Variants in NALF1 observed in about 807,000 individuals in gnomAD.
The protein encoded by NALF1 is family with sequence similarity 155 member A.
Under a neutral mutation model 48.4 loss-of-function variants are expected in NALF1, and 3 were observed. That is an observed-to-expected ratio of 0.06 (90% CI 0.03 to 0.16). The LOEUF (loss-of-function observed/expected upper bound fraction) is 0.16. NALF1 is among the 10% of genes least tolerant of loss of function. The pLI is 1.00. For synonymous variants in NALF1, 262 were observed against 245.7 expected, an observed-to-expected ratio of 1.07 and a Z score of -0.62; for missense variants, 526 against 571.5, an observed-to-expected ratio of 0.92 and a Z score of 0.81.
intron 2 of NALF1, among the ~76,000 whole-genome samples, chr13:107,184,288 T>C (rs61967584): frequency 0.044 from 6,637 of 152,304 alleles, 170 homozygotes; most frequent in Non-Finnish European, 0.058. Context: ...AATTCAAGAA[T>C]GTTAGAAGTT....
intron 1 of NALF1, among the ~76,000 whole-genome samples, chr13:107,452,411 A>T (rs1884757227): frequency 6.6e-6 from 1 of 152,204 alleles, no homozygotes. Flanking sequence ...CATCTTCTTC[A>T]CAAGGTGGCA....
chr13:107,516,955 T>C (rs1876073433), intron 1 of NALF1, among the ~76,000 whole-genome samples: 1 of 152,152 alleles, frequency 6.6e-6, no homozygotes, highest in Non-Finnish European at 1.5e-5. Context: ...GGTTTATCCA[T>C]TTACTAGGCT....
intron 1 of NALF1, among the ~76,000 whole-genome samples, chr13:107,304,128 A>G (rs377182778): frequency 6.6e-6 from 1 of 152,176 alleles, no homozygotes; most frequent in South Asian, 2.1e-4. Flanking sequence ...AATATACTTA[A>G]TATTGTAGAT....
At chr13:107,834,316 A>T (rs1278561775) in intron 1 of NALF1, among the ~76,000 whole-genome samples, 2 of 152,184 alleles carry the variant, frequency 1.3e-5, no homozygotes, top group East Asian at 3.8e-4. Context: ...CAATTAGACC[A>T]CTTAGGACAA....
chr13:107,441,706 T>C (rs1884562669), intron 1 of NALF1, among the ~76,000 whole-genome samples: 1 of 152,152 alleles, frequency 6.6e-6, no homozygotes, highest in African/African-American at 2.4e-5. Flanking sequence ...GACTAGAGAA[T>C]TGTAGAGGGC....
At chr13:107,680,832 G>GAGTA (rs1881279798) in intron 1 of NALF1, among the ~76,000 whole-genome samples, 6 of 150,890 alleles carry the variant, frequency 4.0e-5, no homozygotes, top group Non-Finnish European at 8.8e-5. Context: ...GAGTGTGAAT[G>GAGTA]TGCATGAGAG....
At position 107,812,153 on chromosome 13, in the gene NALF1, T is replaced by C. The variant is rs145890342; in HGVS notation, c.915+53529A>G. On this transcript the variant is annotated intron_variant, in intron 1 of 2. Coordinates refer to ENST00000375915, the MANE Select transcript of NALF1 (RefSeq NM_001080396.3). ...TGAAGTTCCATGAAAAACTAAAGCT[T>C]CATTCATTTCACCTAGATGTATGTT... Among the ~76,000 whole-genome samples the C allele has an allele frequency of 3.8e-4, 58 of 152,242 alleles. 1 individual carries two copies. In the East Asian group the frequency reaches 0.011, roughly 28 times the overall value.
intron 1 of NALF1, among the ~76,000 whole-genome samples, chr13:107,245,316 C>T (rs1030868309): frequency 1.3e-5 from 2 of 152,114 alleles, no homozygotes; most frequent in Admixed American, 6.6e-5. Context: ...TTACTTTTCA[C>T]GATGTCTCTA....
chr13:107,753,550 C>A (rs1304837076), intron 1 of NALF1, among the ~76,000 whole-genome samples: 1 of 149,790 alleles, frequency 6.7e-6, no homozygotes, highest in Admixed American at 6.7e-5. Flanking sequence ...GCGATGTTTG[C>A]AAAACCTCAA....
intron 2 of NALF1, among the ~76,000 whole-genome samples, chr13:107,187,004 T>G (rs1358027197): frequency 6.6e-6 from 1 of 152,222 alleles, no homozygotes; most frequent in Non-Finnish European, 1.5e-5. Flanking sequence ...GTCACCTGCA[T>G]TTCCTGGCTC....
chr13:107,530,965 A>G (rs1876610171), intron 1 of NALF1, among the ~76,000 whole-genome samples: 1 of 152,180 alleles, frequency 6.6e-6, no homozygotes, highest in Middle Eastern at 3.4e-3. Flanking sequence ...AAAACTGTTA[A>G]AGGGATAGTC....
At chr13:107,329,766 G>T (rs1352107196) in intron 1 of NALF1, among the ~76,000 whole-genome samples, 2 of 150,540 alleles carry the variant, frequency 1.3e-5, no homozygotes, top group Non-Finnish European at 2.9e-5. Flanking sequence ...TTTGGCTTTT[G>T]TCCTTGCAAT....
chr13:107,292,872 GGTTT>G (rs1187092889), intron 1 of NALF1, among the ~76,000 whole-genome samples: 2 of 152,144 alleles, frequency 1.3e-5, no homozygotes, highest in African/African-American at 4.8e-5. Context: ...CAGTGCAGTA[GGTTT>G]GTTTACCCCA....
chr13:107,694,262 C>G (rs1196927718), intron 1 of NALF1, among the ~76,000 whole-genome samples: 5 of 152,160 alleles, frequency 3.3e-5, no homozygotes, highest in Non-Finnish European at 7.3e-5. Flanking sequence ...GGCAAGTTAT[C>G]TTTCACTTTC....
chr13:107,297,095 G>A (rs1191668110), intron 1 of NALF1, among the ~76,000 whole-genome samples: 5 of 151,672 alleles, frequency 3.3e-5, no homozygotes, highest in African/African-American at 9.7e-5. Context: ...TTATATCCAC[G>A]TTGAGCACCC....
intron 1 of NALF1, among the ~76,000 whole-genome samples, chr13:107,554,885 G>T (rs923965456): frequency 3.9e-5 from 6 of 152,106 alleles, no homozygotes; most frequent in African/African-American, 1.4e-4. Context: ...TATAACTCCA[G>T]AGTACGGAAG....
rs776061103 is a variant in NALF1, at chr13:107,452,128, T to C, written c.916-241373A>G. Reference sequence around the variant, plus strand: ...TCCCTCCTCCTTCCACTTTTATGGATGGGTGTTTCCTAGCTCAGCTCTTTG... The same window carrying C: ...TCCCTCCTCCTTCCACTTTTATGGACGGGTGTTTCCTAGCTCAGCTCTTTG... On this transcript the variant is annotated intron_variant, in intron 1 of 2. Transcript: ENST00000375915. Among the ~76,000 whole-genome samples the C allele has an allele frequency of 2.0e-5, 3 of 152,126 alleles. No homozygotes were observed. In the South Asian group the frequency reaches 6.2e-4, roughly 32 times the overall value.
chr13:107,271,791 TATATATATATATATATATATATA>T (rs1594098899), intron 1 of NALF1, among the ~76,000 whole-genome samples: 2 of 123,688 alleles, frequency 1.6e-5, no homozygotes, highest in East Asian at 2.3e-4. Flanking sequence ...TATATATATA[TATATATATATATATATATATATA>T]TATTTATATA....
At chr13:107,191,099 C>A (rs867815470) in intron 2 of NALF1, among the ~76,000 whole-genome samples, 1 of 152,256 alleles carries the variant, frequency 6.6e-6, no homozygotes, top group South Asian at 2.1e-4. Context: ...GGTAGAGTGG[C>A]ATCATTATGA....
Sources: gnomAD v4.1 joint callset for allele counts (sites outside exome capture counted in the v4.1 genomes callset) on GRCh38, gnomAD v4.1.1 for gene constraint, MANE v1.5 for transcripts, NCBI Gene and HGNC (gene_info 2026-07-23, HGNC 2026-07-21) for gene names.